Variants in C18orf63 observed in about 807,000 individuals in gnomAD.
C18orf63 encodes the protein uncharacterized protein C18orf63.
In C18orf63, 50 loss-of-function variants were observed where a neutral mutation model predicts 75.3. The ratio of observed to expected loss-of-function variants is 0.66; its 90% CI spans 0.53 to 0.84. C18orf63 has a LOEUF of 0.84. C18orf63 is among the 40% of genes least tolerant of loss of function. C18orf63 has a pLI of 0.00. For missense variants in C18orf63, 732 were observed against 800.2 expected (o/e 0.91, Z 1.03); for synonymous variants, 232 against 267.6 (o/e 0.87, Z 1.30).
chr18:74,357,916 G>A lies in C18orf63; in HGVS notation c.*1469G>A, dbSNP rs150953712. On this transcript the variant is annotated 3_prime_UTR_variant, in exon 14 of 14. Transcript: ENST00000579455. ...AGTAGACTGTTATAAAGAGTGGTATGTCATTTTGTTTATGAGGCTATGGTG... is the reference window on the plus strand; with the variant it reads ...AGTAGACTGTTATAAAGAGTGGTATATCATTTTGTTTATGAGGCTATGGTG... 2 of 152,178 alleles carry A rather than the reference G, an allele frequency of 1.3e-5. No homozygotes were observed. Among genetic ancestry groups the A allele is most frequent in the South Asian group, 2.1e-4 (1 of 4,824 alleles). The allele number at this position is 152,178 out of a possible 1,614,324, so 9.4% of individuals were successfully genotyped here. A position where few individuals can be genotyped will look rare whatever the true frequency, so the allele number is the denominator to read the frequency against.
intron 5 of C18orf63, 23 bp from the exon 6 acceptor site, chr18:74,328,972 G>A (rs1430928993): frequency 1.2e-5 from 16 of 1,339,738 alleles, no homozygotes; most frequent in South Asian, 2.5e-5. Flanking sequence ...TAATAACATG[G>A]CATATTCTAT....
chr18:74,322,799 G>T, intron 4 of C18orf63, 45 bp downstream of exon 4: 2 of 689,058 alleles, frequency 2.9e-6, no homozygotes, highest in Non-Finnish European at 4.5e-6. Context: ...TGTTTATAGG[G>T]ATTATACGTT....
At chr18:74,350,748 AGGGTC>A (rs1984653402) in intron 11 of C18orf63, among the ~76,000 whole-genome samples, 1 of 152,200 alleles carries the variant, frequency 6.6e-6, no homozygotes, top group Non-Finnish European at 1.5e-5. Flanking sequence ...TTCTTCATTC[AGGGTC>A]ATGAAACTTA....
At chr18:74,323,496 A>T (rs1342773505) in intron 4 of C18orf63, among the ~76,000 whole-genome samples, 1 of 152,204 alleles carries the variant, frequency 6.6e-6, no homozygotes, top group Non-Finnish European at 1.5e-5. Flanking sequence ...TTCAGGAGCA[A>T]TGAGGAAAGA....
intron 6 of C18orf63, 54 bp from the exon 7 acceptor site, chr18:74,330,812 T>C: frequency 3.0e-6 from 2 of 670,946 alleles, no homozygotes; most frequent in Admixed American, 3.3e-5. Flanking sequence ...AATACTTAAT[T>C]TAATAGTAGA....
At chr18:74,334,878 C>T (rs1193506480) in intron 7 of C18orf63, among the ~76,000 whole-genome samples, 1 of 152,140 alleles carries the variant, frequency 6.6e-6, no homozygotes, top group Non-Finnish European at 1.5e-5. Context: ...TCCAAGTAGC[C>T]AGACTATGAA....
At position 74,325,639 on chromosome 18, in the gene C18orf63, T is replaced by C. The variant is rs560030502; in HGVS notation, c.271-2308T>C. On this transcript the variant is annotated intron_variant, in intron 4 of 13. Coordinates refer to ENST00000579455, the MANE Select transcript of C18orf63 (RefSeq NM_001174123.2). ...GCAGTATTGAAGTCTTTACCTGTAA[T>C]TATGAATTTCTCTGTTTCTCCTTGA... is the stretch of plus-strand genomic sequence containing the variant. 6.6e-5 allele frequency among the ~76,000 whole-genome samples: 10 copies of C among 152,352 alleles called. No individual in the cohort carries two copies. In the South Asian group the frequency reaches 2.1e-3, roughly 32 times the overall value.
rs1419861669 is a variant in C18orf63 at position 74,353,346 on chromosome 18, T to C, written c.1079T>C (p.Leu360Pro). 1.3e-6 allele frequency: 2 copies of C among 1,536,562 alleles called. No individual in the cohort carries two copies. Among genetic ancestry groups the C allele is most frequent in the African/African-American group, 1.4e-5 (1 of 73,162 alleles). Residue 360 changes from leucine to proline, a missense_variant, in exon 12 of 14, where the codon CTA becomes CCA. By Grantham distance (98) the Leu-to-Pro change is moderately conservative. Transcript: ENST00000579455. ...SRKPACAQSLLPCSVAVDHKV... is the reference protein window; with the variant it reads ...SRKPACAQSLPPCSVAVDHKV... Reference sequence around the variant, plus strand: ...AAGCCTGCCTGTGCTCAAAGTCTTCTACCATGTTCAGTAGCAGTGGACCAC... The same window carrying C: ...AAGCCTGCCTGTGCTCAAAGTCTTCCACCATGTTCAGTAGCAGTGGACCAC...
intron 11 of C18orf63, among the ~76,000 whole-genome samples, chr18:74,348,468 A>G (rs1360728814): frequency 7.2e-5 from 11 of 152,322 alleles, no homozygotes; most frequent in Admixed American, 5.9e-4. Flanking sequence ...CATCTTTGTC[A>G]TTTCTCAAGT....
chr18:74,330,088 A>G (rs1431083690), intron 6 of C18orf63, among the ~76,000 whole-genome samples: 3 of 152,160 alleles, frequency 2.0e-5, no homozygotes, highest in Admixed American at 6.6e-5. Flanking sequence ...ACCTACATCT[A>G]GTTTCATCTC....
chr18:74,335,711 A>T (rs760214939), intron 7 of C18orf63, among the ~76,000 whole-genome samples: 15 of 152,122 alleles, frequency 9.9e-5, no homozygotes, highest in Admixed American at 2.6e-4. Flanking sequence ...GTAGATGGAT[A>T]TTTACTGGGT....
intron 8 of C18orf63, 89 bp from the exon 9 acceptor site, chr18:74,341,943 C>A: frequency 1.5e-6 from 1 of 660,632 alleles, no homozygotes; most frequent in Non-Finnish European, 2.5e-6. Flanking sequence ...GTTGTTGAAT[C>A]TTTTTTGAAC....
rs1458533153 is a variant in C18orf63 at position 74,336,918 on chromosome 18, A to G, written c.502-1797A>G. On this transcript the variant is annotated intron_variant, in intron 7 of 13. Coordinates refer to ENST00000579455, the MANE Select transcript of C18orf63 (RefSeq NM_001174123.2). Reference sequence around the variant, plus strand: ...TTAATAGCCTACTGTGGTCTCTGAAATGGACTCCTCTCTGCCTCCATTTAT... The same window carrying G: ...TTAATAGCCTACTGTGGTCTCTGAAGTGGACTCCTCTCTGCCTCCATTTAT... Among the ~76,000 whole-genome samples the G allele has an allele frequency of 3.3e-5, 5 of 152,042 alleles. No individual in the cohort carries two copies. In the South Asian group the frequency reaches 8.3e-4, roughly 25 times the overall value.
At chr18:74,318,169 A>G (rs1485718591) in intron 2 of C18orf63, among the ~76,000 whole-genome samples, 170 bp downstream of exon 2, 1 of 152,206 alleles carries the variant, frequency 6.6e-6, no homozygotes, top group East Asian at 1.9e-4. Context: ...ATTATATTTA[A>G]GGAGGGATTT....
chr18:74,346,696 T>C (rs1477867954), intron 11 of C18orf63, among the ~76,000 whole-genome samples: 1 of 152,194 alleles, frequency 6.6e-6, no homozygotes, highest in African/African-American at 2.4e-5. Flanking sequence ...CCATGTCTGT[T>C]TTAAAAATAG....
chr18:74,337,344 G>T (rs752488796), intron 7 of C18orf63, among the ~76,000 whole-genome samples: 5 of 152,052 alleles, frequency 3.3e-5, no homozygotes, highest in Non-Finnish European at 5.9e-5. Context: ...AAAGACCAAT[G>T]TAAACAATAA....
Position 74,353,994 on chromosome 18 carries a change from G to A in C18orf63, c.1727G>A (p.Gly576Asp), listed in dbSNP as rs369258307. The A allele has an allele frequency of 2.6e-6, 4 of 1,536,250 alleles. No individual in the cohort carries two copies. The highest frequency in any genetic ancestry group is 1.4e-5 in the African/African-American group (1 of 73,024). Residue 576 changes from glycine to aspartate, a missense_variant, in exon 12 of 14, where the codon GGT becomes GAT. Gly to Asp is a moderately conservative substitution (Grantham distance 94). Transcript: ENST00000579455. ...GGAAAAGAAAATTTAACAGGCAAAG[G>A]TATAACACAAATTTTAGGGAAAAGC... ...MKGKENLTGK[G>D]ITQILGKSHG...
intron 11 of C18orf63, among the ~76,000 whole-genome samples, chr18:74,352,526 C>T (rs1007808044): frequency 1.3e-5 from 2 of 152,114 alleles, no homozygotes; most frequent in Non-Finnish European, 1.5e-5. Flanking sequence ...ATTGCTACCA[C>T]GTACCAGGCA....
intron 7 of C18orf63, among the ~76,000 whole-genome samples, chr18:74,337,471 AC>A (rs1195214112): frequency 6.6e-6 from 1 of 152,072 alleles, no homozygotes; most frequent in Non-Finnish European, 1.5e-5. Context: ...GAACCCATAA[AC>A]TTTAAACATT....
Sources: allele counts gnomAD v4.1 joint callset (sites outside exome capture counted in the v4.1 genomes callset), GRCh38; gene constraint gnomAD v4.1.1; transcripts MANE v1.5; gene names NCBI Gene and HGNC (gene_info 2026-07-23, HGNC 2026-07-21).